Variants in GOLGA4 observed in about 807,000 individuals in gnomAD.
GOLGA4 encodes the protein golgin subfamily A member 4.
Under a neutral mutation model 265.9 loss-of-function variants are expected in GOLGA4, and 169 were observed. That is an observed-to-expected ratio of 0.64 (90% CI 0.56 to 0.72). The LOEUF (loss-of-function observed/expected upper bound fraction) is 0.72, where lower values mean the gene tolerates loss of function less well. Ranked by LOEUF, GOLGA4 falls within the 30% of genes least tolerant of loss-of-function variation. The probability of loss-of-function intolerance (pLI) is 0.00; values close to 1 mark genes in which losing one functional copy is unlikely to be tolerated. For missense variants in GOLGA4, 2,482 were observed against 2,483.4 expected (o/e 1.00, Z 0.01); for synonymous variants, 923 against 855.8 (o/e 1.08, Z -1.37).
chr3:37,286,111 A>C, intron 4 of GOLGA4, 50 bp downstream of exon 4: 1 of 827,574 alleles, frequency 1.2e-6, no homozygotes, highest in Non-Finnish European at 2.0e-6. Flanking sequence ...TAAATCAGAA[A>C]GATCTTATAT....
chr3:37,359,274 A>C (rs1474832194), intron 22 of GOLGA4, among the ~76,000 whole-genome samples: 1 of 152,152 alleles, frequency 6.6e-6, no homozygotes, highest in Non-Finnish European at 1.5e-5. Flanking sequence ...TAGTGTTTTT[A>C]TTGAATAAAA....
intron 17 of GOLGA4, among the ~76,000 whole-genome samples, chr3:37,336,469 G>A (rs900551780): frequency 3.3e-5 from 5 of 151,982 alleles, no homozygotes; most frequent in African/African-American, 4.8e-5. Flanking sequence ...TAAGAAAATA[G>A]CCTTAATTTG....
intron 22 of GOLGA4, among the ~76,000 whole-genome samples, chr3:37,360,669 A>G (rs1181103220): frequency 2.0e-5 from 3 of 152,188 alleles, no homozygotes; most frequent in East Asian, 1.9e-4. Flanking sequence ...AGTAAAAACT[A>G]TATTTGAGAT....
At chr3:37,333,491 G>A (rs2096998483) in intron 16 of GOLGA4, among the ~76,000 whole-genome samples, 1 of 151,962 alleles carries the variant, frequency 6.6e-6, no homozygotes, top group Admixed American at 6.6e-5. Context: ...TTATTGGGGG[G>A]GCTTGCTTTA....
rs1440831115 is a variant in GOLGA4 at position 37,319,227 on chromosome 3, T to C, written c.1545+33T>C. 5.2e-6 allele frequency: 8 copies of C among 1,541,452 alleles called. No individual in the cohort carries two copies. In the South Asian group the frequency reaches 9.6e-5, roughly 18 times the overall value. On this transcript the variant is annotated intron_variant, in intron 12 of 23. Coordinates refer to ENST00000361924, the MANE Select transcript of GOLGA4 (RefSeq NM_002078.5). Reference sequence around the variant, plus strand: ...ACTATTTTTTTTTTTCTGCTATAGGTATACTTCTCAGAGTTACAAAGTTAT... The same window carrying C: ...ACTATTTTTTTTTTTCTGCTATAGGCATACTTCTCAGAGTTACAAAGTTAT...
intron 22 of GOLGA4, among the ~76,000 whole-genome samples, chr3:37,357,732 C>T (rs1339647104): frequency 6.6e-6 from 1 of 152,160 alleles, no homozygotes; most frequent in Non-Finnish European, 1.5e-5. Context: ...GAACAAGTCT[C>T]TTGAAGAAAT....
intron 1 of GOLGA4, among the ~76,000 whole-genome samples, chr3:37,249,194 T>G (rs1011367664): frequency 3.3e-5 from 5 of 152,206 alleles, no homozygotes; most frequent in African/African-American, 1.2e-4. Flanking sequence ...TATCTCAACT[T>G]TAATGAAAGC....
chr3:37,322,005 C>G (rs1398715288), intron 13 of GOLGA4, 119 bp downstream of exon 13: 3 of 778,544 alleles, frequency 3.9e-6, no homozygotes, highest in Non-Finnish European at 6.1e-6. Flanking sequence ...TATACATGCC[C>G]TTCATTTTTA....
chr3:37,332,655 T>C (rs560042250), intron 16 of GOLGA4, among the ~76,000 whole-genome samples: 12 of 152,280 alleles, frequency 7.9e-5, no homozygotes, highest in East Asian at 5.8e-4. Context: ...TAATGAAAAT[T>C]GTACCCATTC....
intron 7 of GOLGA4, among the ~76,000 whole-genome samples, chr3:37,296,786 G>T (rs1181631372): frequency 6.6e-6 from 1 of 152,072 alleles, no homozygotes; most frequent in Non-Finnish European, 1.5e-5. Context: ...GGCCAGGCTG[G>T]TCTCGAACTC....
At chr3:37,293,899 G>A (rs953742254) in intron 5 of GOLGA4, among the ~76,000 whole-genome samples, 10 of 152,216 alleles carry the variant, frequency 6.6e-5, no homozygotes, top group African/African-American at 2.4e-4. Flanking sequence ...CTACAAGCCT[G>A]TACAGCATGT....
At chr3:37,282,351 C>A in intron 3 of GOLGA4, 79 bp downstream of exon 3, 1 of 987,178 alleles carries the variant, frequency 1.0e-6, no homozygotes, top group Non-Finnish European at 1.5e-6. Flanking sequence ...TGCTTTACTC[C>A]TGTGATTGGC....
rs532730048 is a variant in GOLGA4 at position 37,344,520 on chromosome 3, A to T, written c.6473-2673A>T. Among the ~76,000 whole-genome samples, 35 of 123,018 alleles carry T rather than the reference A, an allele frequency of 2.8e-4. No homozygotes were observed. The South Asian group carries it at 8.7e-3, about 31-fold the overall frequency. 80.7% of individuals were successfully genotyped at this position (123,018 alleles called of 152,430 possible). On this transcript the variant is annotated intron_variant, in intron 20 of 23. Coordinates refer to ENST00000361924, the MANE Select transcript of GOLGA4 (RefSeq NM_002078.5). ...TTTTTTTTTTTTTTTTTTGGTAGAG[A>T]TGAGGTCTTTCTATGTTGCCCAGTC...
At chr3:37,312,850 T>G (rs916884686) in intron 10 of GOLGA4, among the ~76,000 whole-genome samples, 13 of 152,182 alleles carry the variant, frequency 8.5e-5, no homozygotes, top group African/African-American at 3.1e-4. Flanking sequence ...ATAAATGATT[T>G]CAGCTAATTA....
At chr3:37,266,204 T>C (rs1328536032) in intron 2 of GOLGA4, among the ~76,000 whole-genome samples, 1 of 151,776 alleles carries the variant, frequency 6.6e-6, no homozygotes, top group Non-Finnish European at 1.5e-5. Flanking sequence ...TCTCACTCTG[T>C]CACCCAGGCT....
chr3:37,324,939 T>TAATTTTTTCTTTAAC lies in GOLGA4; in HGVS notation c.3053_3054insAATTTTTTCTTTAAC (p.Val1018_Ser1019insIlePheSerLeuThr). On this transcript the variant is annotated inframe_insertion, in exon 14 of 24. Coordinates refer to ENST00000361924, the MANE Select transcript of GOLGA4 (RefSeq NM_002078.5). ...AACTCAGCTGGAATCAGTGATGCAGTGTCAAGACTGGAAACAAACCAAAAA... is the reference window on the plus strand; with the variant it reads ...AACTCAGCTGGAATCAGTGATGCAGTAATTTTTTCTTTAACGTCAAGACTGGAAACAAACCAAAAA... 1 of 1,613,226 alleles carries TAATTTTTTCTTTAAC rather than the reference T, an allele frequency of 6.2e-7. No individual in the cohort carries two copies. The highest frequency in any genetic ancestry group is 8.5e-7 in the Non-Finnish European group (1 of 1,179,746).
At chr3:37,360,011 T>A (rs1385573180) in intron 22 of GOLGA4, among the ~76,000 whole-genome samples, 1 of 151,818 alleles carries the variant, frequency 6.6e-6, no homozygotes, top group Non-Finnish European at 1.5e-5. Context: ...AGAAAGGGAG[T>A]CCCTCATGAT....
chr3:37,341,009 TA>T (rs1220448673), intron 20 of GOLGA4, among the ~76,000 whole-genome samples: 2 of 151,490 alleles, frequency 1.3e-5, no homozygotes, highest in Non-Finnish European at 2.9e-5. Flanking sequence ...CTACTAAAAA[TA>T]AAAAACATTA....
At chr3:37,259,161 T>C (rs2096762574) in intron 2 of GOLGA4, among the ~76,000 whole-genome samples, 1 of 152,220 alleles carries the variant, frequency 6.6e-6, no homozygotes, top group Non-Finnish European at 1.5e-5. Flanking sequence ...TTTTTATAGC[T>C]CTGTTCAGAT....
Sources: gnomAD v4.1 joint callset for allele counts (sites outside exome capture counted in the v4.1 genomes callset) on GRCh38, gnomAD v4.1.1 for gene constraint, MANE v1.5 for transcripts, NCBI Gene and HGNC (gene_info 2026-07-23, HGNC 2026-07-21) for gene names.